The following AUTS2 variants were observed in gnomAD, a reference collection of about 807,000 sequenced individuals.
AUTS2 encodes the protein activator of transcription and developmental regulator AUTS2, also known as autism susceptibility gene 2 protein.
A neutral mutation model predicts 112.4 loss-of-function variants in AUTS2; 17 were observed. That is an observed-to-expected ratio of 0.15 (90% confidence interval 0.10 to 0.23). The LOEUF (loss-of-function observed/expected upper bound fraction) is 0.23, where lower values mean the gene tolerates loss of function less well. Among genes scored for constraint, AUTS2 ranks in the 10% least tolerant of loss-of-function variants. The probability of loss-of-function intolerance (pLI) is 1.00; values close to 1 mark genes in which losing one functional copy is unlikely to be tolerated. For missense variants in AUTS2, 1,510 were observed against 1,701.6 expected, an observed-to-expected ratio of 0.89 and a Z score of 1.98; for synonymous variants, 751 against 702.7, an observed-to-expected ratio of 1.07 and a Z score of -1.09.
At chr7:69,772,809 A>T in intron 1 of AUTS2, among the ~76,000 whole-genome samples, 1 of 152,216 alleles carries the variant, frequency 6.6e-6, no homozygotes, top group East Asian at 1.9e-4. Flanking sequence ...CAGACTAAGA[A>T]GTTAAGACTT....
At chr7:70,786,159 A>G in intron 17 of AUTS2, 121 bp downstream of exon 17, 3 of 818,890 alleles carry the variant, frequency 3.7e-6, no homozygotes, top group Non-Finnish European at 5.7e-6. Context: ...TGTAGGTTAT[A>G]TCACTGCAAA....
At chr7:69,741,097 CT>C (rs1787246173) in intron 1 of AUTS2, among the ~76,000 whole-genome samples, 1 of 152,116 alleles carries the variant, frequency 6.6e-6, no homozygotes, top group South Asian at 2.1e-4. Context: ...CTCATCAACT[CT>C]TGATCCACTG....
chr7:70,362,027 C>A (rs989721924), intron 4 of AUTS2, among the ~76,000 whole-genome samples: 1 of 152,080 alleles, frequency 6.6e-6, no homozygotes, highest in Non-Finnish European at 1.5e-5. Context: ...ATTATGTAAA[C>A]CCAACAGGGC....
chr7:70,072,922 A>G (rs1802844679), intron 2 of AUTS2, among the ~76,000 whole-genome samples: 2 of 152,266 alleles, frequency 1.3e-5, no homozygotes, highest in Non-Finnish European at 2.9e-5. Flanking sequence ...TATTTTCACT[A>G]AAATTTCTAG....
chr7:70,247,349 T>G (rs1473394638), intron 4 of AUTS2, among the ~76,000 whole-genome samples: 1 of 152,120 alleles, frequency 6.6e-6, no homozygotes, highest in Non-Finnish European at 1.5e-5. Context: ...ATGGTGATTG[T>G]CAGAGGCTGG....
At chr7:70,781,921 C>A (rs1236053465) in intron 15 of AUTS2, 165 bp downstream of exon 15, 2 of 781,150 alleles carry the variant, frequency 2.6e-6, no homozygotes, top group Non-Finnish European at 4.0e-6. Flanking sequence ...AGTTGGGAAT[C>A]TTCATTGATA....
At chr7:70,110,708 G>A (rs1224603932) in intron 2 of AUTS2, among the ~76,000 whole-genome samples, 2 of 151,858 alleles carry the variant, frequency 1.3e-5, no homozygotes, top group Non-Finnish European at 2.9e-5. Flanking sequence ...GTGTTTATTG[G>A]GATCATCATT....
rs1420600545 is a variant in AUTS2, at chr7:69,982,471, A to AG, written c.522+82973_522+82974insG. On this transcript the variant is annotated intron_variant, in intron 2 of 18. Coordinates refer to ENST00000342771, the MANE Select transcript of AUTS2 (RefSeq NM_015570.4). The stretch of plus-strand genomic sequence containing the variant: ...CTGCTCCAGGCTATCCTGAGGGGGG[A>AG]AAAAAAACGTGGAGTATTTTCCTTG... 1.3e-4 allele frequency among the ~76,000 whole-genome samples: 19 copies of AG among 149,296 alleles called. 1 individual carries two copies. The South Asian group carries it at 3.6e-3, about 29-fold the overall frequency.
chr7:69,909,369 T>C (rs946328028), intron 2 of AUTS2, among the ~76,000 whole-genome samples: 4 of 152,208 alleles, frequency 2.6e-5, no homozygotes, highest in African/African-American at 9.6e-5. Flanking sequence ...CTCACTCAAA[T>C]AATAGCTGTT....
chr7:70,170,432 C>T (rs918477666), intron 4 of AUTS2, among the ~76,000 whole-genome samples: 2 of 151,880 alleles, frequency 1.3e-5, no homozygotes, highest in Non-Finnish European at 2.9e-5. Context: ...ACAGGGATTA[C>T]AGCCACTGCG....
At chr7:70,086,092 T>C (rs1251711130) in intron 2 of AUTS2, among the ~76,000 whole-genome samples, 1 of 152,236 alleles carries the variant, frequency 6.6e-6, no homozygotes, top group African/African-American at 2.4e-5. Context: ...AATCAGGTAA[T>C]GTTAGTCTTC....
At chr7:70,672,857 T>C (rs1807717302) in intron 5 of AUTS2, among the ~76,000 whole-genome samples, 1 of 152,180 alleles carries the variant, frequency 6.6e-6, no homozygotes. Context: ...TGCCTCGGCC[T>C]CCCAAAGTGC....
At chr7:70,179,266 G>T (rs1809169722) in intron 4 of AUTS2, among the ~76,000 whole-genome samples, 1 of 152,206 alleles carries the variant, frequency 6.6e-6, no homozygotes, top group African/African-American at 2.4e-5. Context: ...TTTGAGTCCA[G>T]AGAAATGTAA....
chr7:70,338,888 A>C (rs576722786), intron 4 of AUTS2, among the ~76,000 whole-genome samples: 34 of 135,212 alleles, frequency 2.5e-4, no homozygotes, highest in Non-Finnish European at 4.1e-4. Context: ...TTTGAGACAG[A>C]GTCTCACTCT....
chr7:70,282,235 C>A (rs1206534059), intron 4 of AUTS2, among the ~76,000 whole-genome samples: 1 of 152,158 alleles, frequency 6.6e-6, no homozygotes, highest in African/African-American at 2.4e-5. Flanking sequence ...CAGCCTCTAC[C>A]CATCACCCAG....
intron 1 of AUTS2, 74 bp downstream of exon 1, chr7:69,600,036 C>T: frequency 6.8e-7 from 1 of 1,476,390 alleles, no homozygotes; most frequent in Non-Finnish European, 9.4e-7. Flanking sequence ...TCTCCTGCCT[C>T]CCTCGCCGCG....
rs199945820 is a variant in AUTS2, at chr7:69,599,841, C to A, written c.188C>A (p.Pro63Gln). The change falls in exon 1 of 19, where the codon CCG becomes CAG. Residue 63 changes from proline to glutamine, a missense_variant. By Grantham distance (76) the Pro-to-Gln change is moderately conservative. Around this residue, in one of 3 missense-constraint regions of AUTS2, gnomAD observed 535 missense variants for 594.3 expected, o/e 0.90. Transcript: ENST00000342771. This position sits in a 1 kb window ranked among gnomAD's most constrained non-coding sequence, Gnocchi z 7.0. ...GSDKEDNGKP[P>Q]SSAPSRPRPP... ...GACAAGGAAGACAATGGGAAGCCCC[C>A]GTCCTCCGCCCCGTCCCGGCCCAGA... The A allele has an allele frequency of 1.7e-4, 281 of 1,612,054 alleles. 4 individuals carry two copies. In the East Asian group the frequency reaches 6.1e-3, roughly 35 times the overall value.
chr7:70,430,569 C>G (rs903074296), intron 4 of AUTS2, among the ~76,000 whole-genome samples: 8 of 152,002 alleles, frequency 5.3e-5, no homozygotes, highest in African/African-American at 9.7e-5. Context: ...TAGAAAGGAC[C>G]AAGGGAATCT....
intron 18 of AUTS2, among the ~76,000 whole-genome samples, chr7:70,789,483 A>G (rs1791731544): frequency 1.3e-5 from 2 of 152,108 alleles, no homozygotes; most frequent in Admixed American, 1.3e-4. Context: ...GGCTCTTAAC[A>G]TGCAGAGAGA....
Sources: allele counts gnomAD v4.1 joint callset (sites outside exome capture counted in the v4.1 genomes callset), GRCh38; gene constraint gnomAD v4.1.1; regional missense constraint gnomAD v4.1.1; non-coding constraint Gnocchi (gnomAD v3.1); transcripts MANE v1.5; gene names NCBI Gene and HGNC (gene_info 2026-07-23, HGNC 2026-07-21).